The following PRTG variants were observed in gnomAD, a reference collection of about 807,000 sequenced individuals.
PRTG encodes protogenin, also known as immunoglobulin superfamily, DCC subclass, member 5.
Under a neutral mutation model 122.5 loss-of-function variants are expected in PRTG, and 67 were observed. The observed-to-expected ratio is 0.55, with a 90% CI of 0.45 to 0.67. PRTG has a LOEUF of 0.67. PRTG is among the 30% of genes least tolerant of loss of function. PRTG has a pLI of 0.00. For synonymous variants in PRTG, 554 were observed against 501.1 expected, an observed-to-expected ratio of 1.11 and a Z score of -1.41; for missense variants, 1,435 against 1,415.4, an observed-to-expected ratio of 1.01 and a Z score of -0.22.
chr15:55,621,204 T>A (rs1161871260), intron 18 of PRTG, among the ~76,000 whole-genome samples: 1 of 151,540 alleles, frequency 6.6e-6, no homozygotes, highest in Non-Finnish European at 1.5e-5. Context: ...ATACAAAAAT[T>A]AGCCAGGCGT....
intron 10 of PRTG, 30 bp downstream of exon 10, chr15:55,673,341 G>A (rs1482901983): frequency 2.0e-6 from 3 of 1,497,346 alleles, no homozygotes; most frequent in Non-Finnish European, 2.7e-6. Context: ...TAAAAATACT[G>A]TATTTTCTTA....
chr15:55,638,696 A>G lies in PRTG; in HGVS notation c.2325-20T>C, dbSNP rs751692882. The G allele has an allele frequency of 6.2e-7, 1 of 1,606,388 alleles. No homozygotes were observed. Among genetic ancestry groups the G allele is most frequent in the South Asian group, 1.1e-5 (1 of 89,970 alleles). On this transcript the variant is annotated intron_variant, in intron 13 of 19. Coordinates refer to ENST00000389286, the MANE Select transcript of PRTG (RefSeq NM_173814.6). ...TCTGATCTATAATAACGAGTGATGA[A>G]GTTGTTAATGCTGGTAGTATAATAT...
At chr15:55,706,617 T>A (rs2030131625) in intron 2 of PRTG, among the ~76,000 whole-genome samples, 1 of 150,116 alleles carries the variant, frequency 6.7e-6, no homozygotes, top group African/African-American at 2.5e-5. Flanking sequence ...GTTGTTTTAA[T>A]TAGTTGTACA....
intron 2 of PRTG, among the ~76,000 whole-genome samples, chr15:55,686,982 A>G (rs972809539): frequency 2.0e-5 from 3 of 152,124 alleles, no homozygotes; most frequent in Non-Finnish European, 1.5e-5. Context: ...TCACATTATA[A>G]TCACTTATTT....
intron 17 of PRTG, among the ~76,000 whole-genome samples, chr15:55,624,991 T>C (rs2141713297): frequency 6.6e-6 from 1 of 152,306 alleles, no homozygotes; most frequent in East Asian, 1.9e-4. Context: ...CACACAAAAA[T>C]GTTAGAACTA....
chr15:55,663,170 T>C (rs1176504711), intron 11 of PRTG, among the ~76,000 whole-genome samples: 1 of 152,174 alleles, frequency 6.6e-6, no homozygotes, highest in Non-Finnish European at 1.5e-5. Context: ...ACCAACCCGC[T>C]GTCCTGTGGG....
chr15:55,691,926 A>G (rs1356599823), intron 2 of PRTG, among the ~76,000 whole-genome samples: 1 of 151,982 alleles, frequency 6.6e-6, no homozygotes, highest in Non-Finnish European at 1.5e-5. Context: ...AGTCCCAGCT[A>G]CTCAGGCAGC....
chr15:55,683,180 A>G (rs2059550565), intron 3 of PRTG, among the ~76,000 whole-genome samples: 1 of 151,314 alleles, frequency 6.6e-6, no homozygotes, highest in South Asian at 2.1e-4. Flanking sequence ...ACATATGTAG[A>G]TATGCTTTTT....
chr15:55,701,259 G>A (rs1019686888), intron 2 of PRTG, among the ~76,000 whole-genome samples: 7 of 152,094 alleles, frequency 4.6e-5, no homozygotes, highest in African/African-American at 7.2e-5. Flanking sequence ...ATTCTTGGCC[G>A]GGCGCGGTGG....
At chr15:55,686,666 T>C (rs1313656325) in intron 2 of PRTG, among the ~76,000 whole-genome samples, 7 of 152,166 alleles carry the variant, frequency 4.6e-5, no homozygotes, top group Admixed American at 3.3e-4. Context: ...TCATAAACCA[T>C]GAATCTGTGT....
In PRTG at chr15:55,645,433, CA is replaced by C. The variant is rs374791424; in HGVS notation, c.2042-4226del. Among the ~76,000 whole-genome samples the C allele has an allele frequency of 6.6e-3, 126 of 18,952 alleles. 12 individuals carry two copies. The highest frequency in any genetic ancestry group is 0.038 in the Middle Eastern group (1 of 26). 12.4% of individuals were successfully genotyped at this position (18,952 alleles called of 152,430 possible). A position where few individuals can be genotyped will look rare whatever the true frequency, so the allele number is the denominator to read the frequency against. ...TGGGCGACAGAGCGAAACTCCGTCT[CA>C]AAAAAAAAAAAAAAAAGAGTGGAAG... On this transcript the variant is annotated intron_variant, in intron 11 of 19. Transcript: ENST00000389286.
At chr15:55,696,919 C>T (rs2059635130) in intron 2 of PRTG, among the ~76,000 whole-genome samples, 2 of 152,158 alleles carry the variant, frequency 1.3e-5, no homozygotes, top group South Asian at 4.1e-4. Flanking sequence ...GACTTTGTAA[C>T]AAAGTTGGGA....
At chr15:55,634,213 G>A (rs61254561) in intron 15 of PRTG, among the ~76,000 whole-genome samples, 6,221 of 151,506 alleles carry the variant, frequency 0.041, 410 homozygotes, top group African/African-American at 0.14. Context: ...GATTACAGGC[G>A]CCTGCCACCA....
intron 1 of PRTG, 133 bp downstream of exon 1, chr15:55,742,705 G>C: frequency 9.2e-7 from 1 of 1,090,412 alleles, no homozygotes; most frequent in Non-Finnish European, 1.3e-6. Context: ...CGAGAGCGGG[G>C]GCCGGGGGTC....
intron 2 of PRTG, among the ~76,000 whole-genome samples, chr15:55,687,267 C>T (rs1057027068): frequency 6.6e-6 from 1 of 152,132 alleles, no homozygotes; most frequent in Admixed American, 6.5e-5. Context: ...CAATTCCAAA[C>T]AATGCCCAAT....
chr15:55,740,559 T>C lies in PRTG; in HGVS notation c.220A>G (p.Lys74Glu). 1 of 1,609,604 alleles carries C rather than the reference T, an allele frequency of 6.2e-7. No individual in the cohort carries two copies. The highest frequency in any genetic ancestry group is 8.5e-7 in the Non-Finnish European group (1 of 1,177,558). ...TTTTCAGACATTTTTGCTCCATTTT[T>C]CAACCATGTGACCTTAATAGGAACT... Reference protein sequence around the residue: ...GEVPIKVTWLKNGAKMSENKR... With the variant: ...GEVPIKVTWLENGAKMSENKR... Residue 74 changes from lysine to glutamate, a missense_variant, in exon 2 of 20, where the codon AAA becomes GAA. Lys to Glu is a moderately conservative substitution (Grantham distance 56). Coordinates refer to ENST00000389286, the MANE Select transcript of PRTG (RefSeq NM_173814.6).
chr15:55,633,656 T>C (rs1321027913), intron 15 of PRTG, among the ~76,000 whole-genome samples: 1 of 152,222 alleles, frequency 6.6e-6, no homozygotes, highest in Non-Finnish European at 1.5e-5. Flanking sequence ...GCTGCCATAA[T>C]TATACATAAA....
chr15:55,734,842 T>C (rs556910750), intron 2 of PRTG, among the ~76,000 whole-genome samples: 3 of 152,318 alleles, frequency 2.0e-5, no homozygotes, highest in African/African-American at 7.2e-5. Flanking sequence ...ATCCTCTGCA[T>C]ACATATCCTT....
At chr15:55,627,280 T>C in intron 16 of PRTG, 152 bp from the exon 17 acceptor site, 1 of 438,104 alleles carries the variant, frequency 2.3e-6, no homozygotes, top group Non-Finnish European at 4.0e-6. Context: ...CACACAGTAA[T>C]CTTTAATCAG....
Sources: gnomAD v4.1 joint callset for allele counts (sites outside exome capture counted in the v4.1 genomes callset) on GRCh38, gnomAD v4.1.1 for gene constraint, MANE v1.5 for transcripts, NCBI Gene and HGNC (gene_info 2026-07-23, HGNC 2026-07-21) for gene names.